Variants in PARD6G observed in about 807,000 individuals in gnomAD.
PARD6G encodes partitioning defective 6 homolog gamma.
PARD6G carries 7 observed loss-of-function variants against 10.7 expected under a neutral mutation model. The observed-to-expected ratio is 0.66, with a 90% CI of 0.37 to 1.23. The LOEUF (loss-of-function observed/expected upper bound fraction) is 1.23, where lower values mean the gene tolerates loss of function less well. Ranked by LOEUF, PARD6G falls within the 50% of genes most tolerant of loss-of-function variation. The pLI is 0.02. For missense variants in PARD6G, 548 were observed against 571.8 expected, an observed-to-expected ratio of 0.96 and a Z score of 0.42; for synonymous variants, 287 against 269.4, an observed-to-expected ratio of 1.07 and a Z score of -0.64.
chr18:80,159,786 G>A lies in PARD6G; in HGVS notation c.1116C>T (p.Pro372=), dbSNP rs1288270833. 1.8e-5 allele frequency: 26 copies of A among 1,436,218 alleles called. No homozygotes were observed. In the South Asian group the frequency reaches 1.8e-4, roughly 10 times the overall value. 89.0% of individuals were successfully genotyped at this position (1,436,218 alleles called of 1,614,324 possible). A position where few individuals can be genotyped will look rare whatever the true frequency, so the allele number is the denominator to read the frequency against. ...TCTCGGGAGTCTAGAGCGTGACCGCGGGCCCGTGCTCCTCCACGCCGCCTG... is the reference window on the plus strand; with the variant it reads ...TCTCGGGAGTCTAGAGCGTGACCGCAGGCCCGTGCTCCTCCACGCCGCCTG... ...LPPGGVEEHG[P]AVTL is the part of the protein sequence containing the mutation. Residue 372 remains proline (P), a synonymous_variant, in exon 3 of 3, where the codon CCC becomes CCT. Transcript: ENST00000353265.
rs1437994192 is a variant in PARD6G, at chr18:80,246,265, C to A, written c.72+1012G>T. Among the ~76,000 whole-genome samples, 2 of 152,204 alleles carry A rather than the reference C, an allele frequency of 1.3e-5. No homozygotes were observed. Among genetic ancestry groups the A allele is most frequent in the African/African-American group, 4.8e-5 (2 of 41,458 alleles). ...AGTAGCCAGCGAAAGACTCGAGGGGCCCCCTCCCGCAGGACCCCGAACAAC... is the reference window on the plus strand; with the variant it reads ...AGTAGCCAGCGAAAGACTCGAGGGGACCCCTCCCGCAGGACCCCGAACAAC... On this transcript the variant is annotated intron_variant, in intron 1 of 2. Transcript: ENST00000353265. This position sits in a 1 kb window ranked among gnomAD's most constrained non-coding sequence, Gnocchi z 6.7.
At chr18:80,174,692 C>T (rs896357247) in intron 2 of PARD6G, among the ~76,000 whole-genome samples, 20 of 152,236 alleles carry the variant, frequency 1.3e-4, no homozygotes, top group African/African-American at 4.6e-4. Flanking sequence ...CGGTGGCTCA[C>T]GCCTGTAATC....
At chr18:80,236,617 C>G (rs1347796358) in intron 1 of PARD6G, among the ~76,000 whole-genome samples, 2 of 152,138 alleles carry the variant, frequency 1.3e-5, no homozygotes, top group East Asian at 1.9e-4. Flanking sequence ...CGTCTCAGCC[C>G]AAAATCTCCT....
At chr18:80,219,516 T>TC (rs149043574) in intron 1 of PARD6G, among the ~76,000 whole-genome samples, 3,906 of 152,248 alleles carry the variant, frequency 0.026, 159 homozygotes, top group African/African-American at 0.089. Context: ...AGCCGGGGTT[T>TC]CTTTTTATCA....
At chr18:80,179,620 G>A (rs1023905205) in intron 2 of PARD6G, among the ~76,000 whole-genome samples, 19 of 152,330 alleles carry the variant, frequency 1.2e-4, no homozygotes, top group African/African-American at 4.6e-4. Context: ...AGGTGCAGGC[G>A]AGTTGTTAGG....
At chr18:80,167,628 T>C (rs1417592629) in intron 2 of PARD6G, among the ~76,000 whole-genome samples, 2 of 152,116 alleles carry the variant, frequency 1.3e-5, no homozygotes, top group African/African-American at 4.8e-5. Flanking sequence ...TACCCAGGCC[T>C]GTCCTCTCTT....
At chr18:80,202,062 A>C (rs1568436120) in intron 2 of PARD6G, 1 of 152,346 alleles carries the variant, frequency 6.6e-6, no homozygotes, top group Non-Finnish European at 1.5e-5. Context: ...CAGTTATAAA[A>C]ATGCCATTTT....
chr18:80,221,630 C>T (rs1406896250), intron 1 of PARD6G, among the ~76,000 whole-genome samples: 2 of 152,036 alleles, frequency 1.3e-5, no homozygotes, highest in East Asian at 1.9e-4. Context: ...TGATTTTCCC[C>T]GAGATCAACA....
chr18:80,233,463 G>GA (rs1967382646), intron 1 of PARD6G, among the ~76,000 whole-genome samples: 1 of 152,282 alleles, frequency 6.6e-6, no homozygotes, highest in Admixed American at 6.5e-5. Context: ...TCTCCCTCAT[G>GA]AAGGACCACT....
At chr18:80,241,023 G>A (rs1172911236) in intron 1 of PARD6G, among the ~76,000 whole-genome samples, 1 of 152,162 alleles carries the variant, frequency 6.6e-6, no homozygotes, top group African/African-American at 2.4e-5. Flanking sequence ...CTGAATAGAG[G>A]ACTTCCCGTG....
chr18:80,182,276 C>G lies in PARD6G; in HGVS notation c.295+20434G>C, dbSNP rs773564803. Among the ~76,000 whole-genome samples, 66 of 152,356 alleles carry G rather than the reference C, an allele frequency of 4.3e-4. 2 individuals are homozygous for G. Among genetic ancestry groups the G allele is most frequent in the Middle Eastern group, 3.4e-3 (1 of 294 alleles). On this transcript the variant is annotated intron_variant, in intron 2 of 2. Coordinates refer to ENST00000353265, the MANE Select transcript of PARD6G (RefSeq NM_032510.4). This position sits in a 1 kb window ranked among gnomAD's most constrained non-coding sequence, Gnocchi z 4.5. Reference sequence around the variant, plus strand: ...ACTTGCCCACTGGCCCCCAGCCCTCCCTGAAGGGTGGCAGCTGATGCCTGT... The same window carrying G: ...ACTTGCCCACTGGCCCCCAGCCCTCGCTGAAGGGTGGCAGCTGATGCCTGT...
intron 1 of PARD6G, among the ~76,000 whole-genome samples, chr18:80,215,574 T>G (rs565705925): frequency 8.5e-4 from 129 of 152,320 alleles, no homozygotes; most frequent in African/African-American, 2.9e-3. Flanking sequence ...TGAGCTAGAT[T>G]GTTTTAAATT....
chr18:80,159,700 A>T lies in PARD6G; in HGVS notation c.*71T>A, dbSNP rs1442057921. 1 of 1,322,410 alleles carries T rather than the reference A, an allele frequency of 7.6e-7. No homozygotes were observed. Among genetic ancestry groups the T allele is most frequent in the African/African-American group, 1.5e-5 (1 of 64,544 alleles). 81.9% of individuals were successfully genotyped at this position (1,322,410 alleles called of 1,614,324 possible). A position where few individuals can be genotyped will look rare whatever the true frequency, so the allele number is the denominator to read the frequency against. ...CACAAAAACAACAAAAAATGAGCGG[A>T]TGCAGTCTGCAGGTCCTGTCCCTGT... On this transcript the variant is annotated 3_prime_UTR_variant, in exon 3 of 3. Coordinates refer to ENST00000353265, the MANE Select transcript of PARD6G (RefSeq NM_032510.4).
intron 2 of PARD6G, among the ~76,000 whole-genome samples, chr18:80,164,424 G>C (rs1042016187): frequency 6.6e-6 from 1 of 152,144 alleles, no homozygotes; most frequent in Non-Finnish European, 1.5e-5. Flanking sequence ...TGTCTAAAAG[G>C]CTCCAGCTTT....
chr18:80,165,106 A>G (rs2052726752), intron 2 of PARD6G, among the ~76,000 whole-genome samples: 1 of 152,150 alleles, frequency 6.6e-6, no homozygotes, highest in Non-Finnish European at 1.5e-5. Flanking sequence ...TCTGACCACA[A>G]ATTTACCAGG....
At chr18:80,172,400 A>T (rs1355030615) in intron 2 of PARD6G, among the ~76,000 whole-genome samples, 11 of 140,868 alleles carry the variant, frequency 7.8e-5, no homozygotes, top group South Asian at 2.2e-4. Context: ...TTTTTTTGAG[A>T]CAGAGTTTCA....
At position 80,192,255 on chromosome 18, in the gene PARD6G, G is replaced by A. The variant is rs1183461888; in HGVS notation, c.295+10455C>T. Among the ~76,000 whole-genome samples, 2 of 152,238 alleles carry A rather than the reference G, an allele frequency of 1.3e-5. No homozygotes were observed. Among genetic ancestry groups the A allele is most frequent in the Non-Finnish European group, 2.9e-5 (2 of 68,042 alleles). On this transcript the variant is annotated intron_variant, in intron 2 of 2. Transcript: ENST00000353265. This position sits in a 1 kb window ranked among gnomAD's most constrained non-coding sequence, Gnocchi z 4.9. Reference sequence around the variant, plus strand: ...TGAACACTCTCCTTCGGTGGTCTCTGAGTCGTCCCTGAGGTGGGGTGCAGT... The same window carrying A: ...TGAACACTCTCCTTCGGTGGTCTCTAAGTCGTCCCTGAGGTGGGGTGCAGT...
At chr18:80,224,809 T>C (rs1199082173) in intron 1 of PARD6G, among the ~76,000 whole-genome samples, 3 of 151,844 alleles carry the variant, frequency 2.0e-5, no homozygotes, top group Non-Finnish European at 4.4e-5. Context: ...ATCGCGCCAC[T>C]GCTCTCCAGC....
In PARD6G at chr18:80,202,622, T is replaced by G; in HGVS notation, c.295+88A>C. 6.1e-6 allele frequency: 7 copies of G among 1,141,746 alleles called. No individual in the cohort carries two copies. The South Asian group carries it at 8.3e-5, about 14-fold the overall frequency. 70.7% of individuals were successfully genotyped at this position (1,141,746 alleles called of 1,614,324 possible). On this transcript the variant is annotated intron_variant, in intron 2 of 2. Coordinates refer to ENST00000353265, the MANE Select transcript of PARD6G (RefSeq NM_032510.4). ...ACTACAGGTTAGAAAACGAACCACA[T>G]AGTCCTGTAATGACAGAAAAAATTG...
Sources: gnomAD v4.1 joint callset for allele counts (sites outside exome capture counted in the v4.1 genomes callset) on GRCh38, gnomAD v4.1.1 for gene constraint, Gnocchi (gnomAD v3.1) non-coding constraint, MANE v1.5 for transcripts, NCBI Gene and HGNC (gene_info 2026-07-23, HGNC 2026-07-21) for gene names.